The following ZFAT variants were observed in gnomAD, a reference collection of about 807,000 sequenced individuals.
ZFAT encodes zinc finger and AT-hook domain containing, also known as zinc finger protein ZFAT.
In ZFAT, 64 loss-of-function variants were observed where a neutral mutation model predicts 117.7. That is an observed-to-expected ratio of 0.54 (90% CI 0.44 to 0.67). The LOEUF is 0.67. Among genes scored for constraint, ZFAT ranks in the 30% least tolerant of loss-of-function variants. ZFAT has a pLI of 0.00. For synonymous variants in ZFAT, 679 were observed against 615.0 expected, an observed-to-expected ratio of 1.10 and a Z score of -1.54; for missense variants, 1,433 against 1,584.5, an observed-to-expected ratio of 0.90 and a Z score of 1.62.
the ZFAT span, among the ~76,000 whole-genome samples, chr8:134,828,865 C>T: frequency 3.5e-4 from 53 of 152,346 alleles, no homozygotes; most frequent in Admixed American, 2.7e-3. Context: ...AACAGAATTA[C>T]AGCTTAGGAA....
At chr8:134,763,583 C>T in the ZFAT span, among the ~76,000 whole-genome samples, 3 of 152,092 alleles carry the variant, frequency 2.0e-5, no homozygotes, top group African/African-American at 7.2e-5. Flanking sequence ...ATTTATTCAG[C>T]CATTTGAATA....
the ZFAT span, among the ~76,000 whole-genome samples, chr8:134,748,252 C>G: frequency 2.0e-5 from 3 of 152,116 alleles, no homozygotes; most frequent in Admixed American, 6.5e-5. Context: ...CAGAAGTAAC[C>G]ACTTGCCTTT....
At chr8:134,636,790 C>G (rs991752440) in intron 3 of ZFAT, among the ~76,000 whole-genome samples, 6 of 152,244 alleles carry the variant, frequency 3.9e-5, no homozygotes, top group African/African-American at 1.4e-4. Flanking sequence ...CACTACCCCA[C>G]AGCAACTTCA....
rs115912005 is a variant in ZFAT at position 134,653,548 on chromosome 8, A to C, written c.196+4013T>G. On this transcript the variant is annotated intron_variant, in intron 2 of 15. Transcript: ENST00000377838. The stretch of plus-strand genomic sequence containing the variant: ...TCAAAATGCTAGGATTACAGGCATA[A>C]GCCATCACACACAGCCGAAAAAGAA... Among the ~76,000 whole-genome samples the C allele has an allele frequency of 5.3e-3, 796 of 150,714 alleles. 4 individuals are homozygous for C. The highest frequency in any genetic ancestry group is 0.019 in the African/African-American group (767 of 41,056).
At position 134,497,892 on chromosome 8, in the gene ZFAT, C is replaced by T. The variant is rs555249491; in HGVS notation, c.3492+11727G>A. On this transcript the variant is annotated intron_variant, in intron 15 of 15. Coordinates refer to ENST00000377838, the MANE Select transcript of ZFAT (RefSeq NM_020863.4). ...CCCAGCTGCTGGTTACACACAGAGC[C>T]TGATTTGGTAGGGTTGGGGTGGAGC... 5.0e-4 allele frequency among the ~76,000 whole-genome samples: 70 copies of T among 139,114 alleles called. No homozygotes were observed. The South Asian group carries it at 9.7e-3, about 19-fold the overall frequency. 91.3% of individuals were successfully genotyped at this position (139,114 alleles called of 152,430 possible). A position where few individuals can be genotyped will look rare whatever the true frequency, so the allele number is the denominator to read the frequency against.
intron 2 of ZFAT, among the ~76,000 whole-genome samples, chr8:134,651,107 T>C (rs745698276): frequency 2.6e-5 from 4 of 152,200 alleles, no homozygotes; most frequent in African/African-American, 4.8e-5. Flanking sequence ...GCACCTCCCA[T>C]TGAAAAAAGT....
At chr8:134,757,557 A>G in the ZFAT span, among the ~76,000 whole-genome samples, 1 of 152,146 alleles carries the variant, frequency 6.6e-6, no homozygotes, top group Non-Finnish European at 1.5e-5. Context: ...TGTCACTGGC[A>G]GTGAATTGGG....
chr8:134,550,666 A>T (rs1175942538), intron 11 of ZFAT, among the ~76,000 whole-genome samples: 1 of 152,226 alleles, frequency 6.6e-6, no homozygotes, highest in East Asian at 1.9e-4. Flanking sequence ...CAGGATTTTA[A>T]TTTAACATAA....
At chr8:134,759,051 A>T in the ZFAT span, among the ~76,000 whole-genome samples, 2 of 152,206 alleles carry the variant, frequency 1.3e-5, no homozygotes, top group Non-Finnish European at 2.9e-5. Context: ...GACAAACAGC[A>T]TTGTCTATCA....
chr8:134,522,843 A>G (rs1311528035), intron 12 of ZFAT, among the ~76,000 whole-genome samples: 1 of 152,160 alleles, frequency 6.6e-6, no homozygotes, highest in Non-Finnish European at 1.5e-5. Context: ...TAAGTCCCCT[A>G]TACTATTGTC....
intron 2 of ZFAT, among the ~76,000 whole-genome samples, chr8:134,655,226 G>A (rs989048090): frequency 6.6e-6 from 1 of 152,218 alleles, no homozygotes; most frequent in African/African-American, 2.4e-5. Context: ...CTACATGAAT[G>A]GCACTGTCTC....
intron 1 of ZFAT, among the ~76,000 whole-genome samples, chr8:134,704,917 T>C (rs540753846): frequency 1.3e-5 from 2 of 150,464 alleles, no homozygotes; most frequent in African/African-American, 2.4e-5. Flanking sequence ...CAAAAAAACT[T>C]AGGAGATTTT....
chr8:134,502,324 G>T (rs541783284), intron 15 of ZFAT, among the ~76,000 whole-genome samples: 37 of 152,310 alleles, frequency 2.4e-4, no homozygotes, highest in Non-Finnish European at 4.6e-4. Flanking sequence ...GTGAGAAAGG[G>T]GTCAGGGGAC....
the ZFAT span, among the ~76,000 whole-genome samples, chr8:134,736,986 A>G: frequency 1.3e-5 from 2 of 152,324 alleles, no homozygotes; most frequent in African/African-American, 4.8e-5. Context: ...TTAAAATGTA[A>G]AAACATAGTT....
chr8:134,602,566 T>C lies in ZFAT; in HGVS notation c.1153A>G (p.Lys385Glu), dbSNP rs780743525. The C allele has an allele frequency of 7.4e-6, 12 of 1,613,986 alleles. No individual in the cohort carries two copies. In the South Asian group the frequency reaches 7.7e-5, roughly 10 times the overall value. Reference protein sequence around the residue: ...DAHDPQDKKVKEALDELCLMT... With the variant: ...DAHDPQDKKVEEALDELCLMT... ...AGGCAGAGCTCGTCCAAGGCCTCTT[T>C]GACCTTCTTGTCCTGTGGGTCATGC... Residue 385 changes from lysine to glutamate, a missense_variant, in exon 6 of 16, where the codon AAA (lysine) becomes GAA (glutamate). This residue lies in a region of ZFAT where 436 missense variants were observed against 482.0 expected (regional missense o/e 0.90). Transcript: ENST00000377838.
chr8:134,551,882 A>G (rs1026401939), intron 11 of ZFAT, among the ~76,000 whole-genome samples: 2 of 152,184 alleles, frequency 1.3e-5, no homozygotes, highest in African/African-American at 2.4e-5. Flanking sequence ...GACTTATTTC[A>G]TCATCAGGAA....
intron 3 of ZFAT, among the ~76,000 whole-genome samples, chr8:134,623,020 T>C (rs1039286700): frequency 3.3e-5 from 5 of 152,184 alleles, no homozygotes; most frequent in Admixed American, 3.3e-4. Context: ...CATTTGAGCA[T>C]GCCACCTGCC....
intron 9 of ZFAT, among the ~76,000 whole-genome samples, chr8:134,584,609 G>A (rs949954021): frequency 6.6e-6 from 1 of 152,152 alleles, no homozygotes; most frequent in African/African-American, 2.4e-5. Flanking sequence ...CTGACTGTAG[G>A]GGCATCTTGG....
chr8:134,582,643 T>C (rs1297857493), intron 10 of ZFAT, among the ~76,000 whole-genome samples: 2 of 152,222 alleles, frequency 1.3e-5, no homozygotes, highest in Non-Finnish European at 2.9e-5. Flanking sequence ...TACTTATGGC[T>C]CTGGCTCTTT....
Sources: allele counts gnomAD v4.1 joint callset (sites outside exome capture counted in the v4.1 genomes callset), GRCh38; gene constraint gnomAD v4.1.1; regional missense constraint gnomAD v4.1.1; transcripts MANE v1.5; gene names NCBI Gene and HGNC (gene_info 2026-07-23, HGNC 2026-07-21).